MAPK10: variants seen among roughly 807,000 people sequenced by gnomAD.
MAPK10 encodes JNK3 alpha protein kinase.
A neutral mutation model predicts 59.3 loss-of-function variants in MAPK10; 25 were observed. That is an observed-to-expected ratio of 0.42 (90% CI 0.31 to 0.59). The LOEUF is 0.59. Among genes scored for constraint, MAPK10 ranks in the 20% least tolerant of loss-of-function variants. The probability of loss-of-function intolerance (pLI) is 0.15; values close to 1 mark genes in which losing one functional copy is unlikely to be tolerated. For synonymous variants in MAPK10, 190 were observed against 200.5 expected, an observed-to-expected ratio of 0.95 and a Z score of 0.44; for missense variants, 351 against 568.9, an observed-to-expected ratio of 0.62 and a Z score of 3.90.
chr4:86,482,928 A>T (rs925992309), intron 1 of MAPK10, among the ~76,000 whole-genome samples: 1 of 152,154 alleles, frequency 6.6e-6, no homozygotes, highest in Admixed American at 6.6e-5. Context: ...TGTGTTAGGC[A>T]TACAACATTT....
At chr4:86,086,163 C>T (rs2051784834) in intron 9 of MAPK10, among the ~76,000 whole-genome samples, 1 of 151,938 alleles carries the variant, frequency 6.6e-6, no homozygotes, top group East Asian at 1.9e-4. Context: ...GCACATGTAC[C>T]CTGGAACTTA....
Position 86,101,887 on chromosome 4 carries a change from T to C in MAPK10, c.564+7A>G. ...TTGAATTGTAATCCTAGAGAAGGTG[T>C]TCTTACCCTGTGAATAATTCCAGCA... On this transcript the variant is annotated splice_region_variant and intron_variant, in intron 7 of 13. Transcript: ENST00000641462. The C allele has an allele frequency of 6.2e-7, 1 of 1,613,842 alleles. No homozygotes were observed.
intron 1 of MAPK10, among the ~76,000 whole-genome samples, chr4:86,359,391 A>G (rs1057392632): frequency 1.3e-5 from 2 of 150,482 alleles, no homozygotes; most frequent in Non-Finnish European, 3.0e-5. Flanking sequence ...CCTGGTCACA[A>G]TAAGAATGCT....
intron 2 of MAPK10, among the ~76,000 whole-genome samples, chr4:86,319,535 A>T (rs116770426): frequency 0.046 from 7,068 of 152,280 alleles, 215 homozygotes; most frequent in Non-Finnish European, 0.073. Context: ...TGGTGCCCTT[A>T]GCCACTTCCT....
intron 1 of MAPK10, among the ~76,000 whole-genome samples, chr4:86,406,407 C>T (rs961393351): frequency 1.3e-5 from 2 of 152,156 alleles, no homozygotes; most frequent in Middle Eastern, 3.2e-3. Flanking sequence ...AGATACAACC[C>T]TTTATGTTAA....
chr4:86,402,943 T>G (rs1312693945), intron 1 of MAPK10, among the ~76,000 whole-genome samples: 1 of 152,088 alleles, frequency 6.6e-6, no homozygotes, highest in African/African-American at 2.4e-5. Context: ...TAATCTGCAC[T>G]CCCTATAGTT....
At chr4:86,451,886 G>A (rs1452434481) in intron 1 of MAPK10, among the ~76,000 whole-genome samples, 1 of 152,154 alleles carries the variant, frequency 6.6e-6, no homozygotes, top group Non-Finnish European at 1.5e-5. Flanking sequence ...ACCAGCTCGG[G>A]GGATGACAGC....
chr4:86,455,123 C>T (rs149479798), upstream of MAPK10, among the ~76,000 whole-genome samples: 898 of 152,182 alleles, frequency 5.9e-3, 12 homozygotes, highest in African/African-American at 0.021. Flanking sequence ...ACAAGAATTG[C>T]TAAAAGGAGG....
At chr4:86,135,464 T>G (rs369423667) in intron 4 of MAPK10, among the ~76,000 whole-genome samples, 2 of 151,970 alleles carry the variant, frequency 1.3e-5, no homozygotes, top group Non-Finnish European at 2.9e-5. Flanking sequence ...CAACAGACCT[T>G]CAGCTGAGGG....
In MAPK10 at chr4:86,390,461, T is replaced by C. The variant is rs114288719; in HGVS notation, c.-121-35817A>G. ...ATACCCTCCCCTTCCCCCAAGCAAC[T>C]TGGGCAGGATGCTACCTCTACTTTG... is the stretch of plus-strand genomic sequence containing the variant. On this transcript the variant is annotated intron_variant, in intron 1 of 13. Transcript: ENST00000361569. Among the ~76,000 whole-genome samples the C allele has an allele frequency of 4.7e-3, 722 of 152,252 alleles. 6 individuals are homozygous for C. Among genetic ancestry groups the C allele is most frequent in the African/African-American group, 0.017 (697 of 41,542 alleles).
At chr4:86,115,798 C>T (rs1044819921) in intron 4 of MAPK10, among the ~76,000 whole-genome samples, 1 of 152,166 alleles carries the variant, frequency 6.6e-6, no homozygotes, top group African/African-American at 2.4e-5. Context: ...GCTCCTCTCC[C>T]TCCATCCCAC....
At chr4:86,155,121 G>A (rs2067382806) in intron 4 of MAPK10, among the ~76,000 whole-genome samples, 1 of 152,052 alleles carries the variant, frequency 6.6e-6, no homozygotes, top group Non-Finnish European at 1.5e-5. Context: ...AATGGAAAAA[G>A]CTGCTAAACA....
intron 1 of MAPK10, among the ~76,000 whole-genome samples, chr4:86,489,658 T>A (rs1017889676): frequency 1.3e-5 from 2 of 152,200 alleles, no homozygotes; most frequent in Non-Finnish European, 2.9e-5. Flanking sequence ...TGTCCCTTTT[T>A]TTTCTCCTCT....
chr4:86,359,983 G>C lies in MAPK10; in HGVS notation c.-447C>G. 18 of 985,930 alleles carry C rather than the reference G, an allele frequency of 1.8e-5. No individual in the cohort carries two copies. Among genetic ancestry groups the C allele is most frequent in the Middle Eastern group, 5.2e-4 (1 of 1,914 alleles). The allele number at this position is 985,930 out of a possible 1,614,324, so 61.1% of individuals were successfully genotyped here. A position where few individuals can be genotyped will look rare whatever the true frequency, so the allele number is the denominator to read the frequency against. On this transcript the variant is annotated 5_prime_UTR_variant, in exon 1 of 14. Coordinates refer to ENST00000641462, the MANE Select transcript of MAPK10 (RefSeq NM_138982.4). ...GGAGGTTAAAGAAAATAGAAGAAGAGTGGCTTGCTGAATCACCCTCTTTCA... is the reference window on the plus strand; with the variant it reads ...GGAGGTTAAAGAAAATAGAAGAAGACTGGCTTGCTGAATCACCCTCTTTCA...
At chr4:86,126,576 G>A (rs2060113683) in intron 4 of MAPK10, among the ~76,000 whole-genome samples, 1 of 152,006 alleles carries the variant, frequency 6.6e-6, no homozygotes, top group Non-Finnish European at 1.5e-5. Flanking sequence ...ATCTAAGCTA[G>A]CGTATATTAA....
rs115232936 is a variant in MAPK10, at chr4:86,109,204, C to G, written c.237-1852G>C. On this transcript the variant is annotated intron_variant, in intron 4 of 13. Transcript: ENST00000641462. Reference sequence around the variant, plus strand: ...AACTCTTTAATAATGACATTCCACACTATTCTTTTTCACTTTTTAAAAAAA... The same window carrying G: ...AACTCTTTAATAATGACATTCCACAGTATTCTTTTTCACTTTTTAAAAAAA... 4.6e-3 allele frequency among the ~76,000 whole-genome samples: 703 copies of G among 152,286 alleles called. 2 individuals are homozygous for G. The highest frequency in any genetic ancestry group is 0.016 in the African/African-American group (658 of 41,552).
chr4:86,326,777 C>T (rs2096032326), intron 2 of MAPK10: 1 of 152,176 alleles, frequency 6.6e-6, no homozygotes, highest in East Asian at 1.9e-4. Flanking sequence ...ATGGAACACA[C>T]AGTTTATGCT....
intron 11 of MAPK10, among the ~76,000 whole-genome samples, chr4:86,057,992 C>T (rs1051416288): frequency 6.7e-6 from 1 of 149,656 alleles, no homozygotes; most frequent in Admixed American, 6.6e-5. Context: ...AACCAACAAT[C>T]GAAAGAGTGA....
At position 86,492,398 on chromosome 4, in the gene MAPK10, C is replaced by T. The variant is rs555675293; in HGVS notation, c.-263+101512G>A. On this transcript the variant is annotated intron_variant, in intron 1 of 4. Coordinates refer to the MAPK10 transcript ENST00000502302. ...TTGGGCATCCTGTATGAATAGAATACACATTCCCTATTCTTCTTGCCAAAT... is the reference window on the plus strand; with the variant it reads ...TTGGGCATCCTGTATGAATAGAATATACATTCCCTATTCTTCTTGCCAAAT... Among the ~76,000 whole-genome samples, 5 of 152,282 alleles carry T rather than the reference C, an allele frequency of 3.3e-5. No individual in the cohort carries two copies. The South Asian group carries it at 6.2e-4, about 19-fold the overall frequency.
Sources: gnomAD v4.1 joint callset for allele counts (sites outside exome capture counted in the v4.1 genomes callset) on GRCh38, gnomAD v4.1.1 for gene constraint, MANE v1.5 for transcripts, NCBI Gene and HGNC (gene_info 2026-07-23, HGNC 2026-07-21) for gene names.